DENND2C: variants seen among roughly 807,000 people sequenced by gnomAD.
DENND2C encodes DENN domain-containing protein 2C.
Under a neutral mutation model 112.4 loss-of-function variants are expected in DENND2C, and 72 were observed. That is an observed-to-expected ratio of 0.64 (90% confidence interval 0.53 to 0.78). DENND2C has a LOEUF of 0.78. Ranked by LOEUF, DENND2C falls within the 30% of genes least tolerant of loss-of-function variation. The pLI is 0.00. For missense variants in DENND2C, 992 were observed against 1,113.8 expected, an observed-to-expected ratio of 0.89 and a Z score of 1.56; for synonymous variants, 329 against 381.6, an observed-to-expected ratio of 0.86 and a Z score of 1.61.
intron 3 of DENND2C, among the ~76,000 whole-genome samples, chr1:114,626,779 T>C (rs1389736100): frequency 2.0e-5 from 3 of 152,080 alleles, no homozygotes; most frequent in Non-Finnish European, 4.4e-5. Context: ...CCAAAAGTGC[T>C]GGGATTACAG....
chr1:114,659,097 G>T (rs1330202022), intron 1 of DENND2C, among the ~76,000 whole-genome samples: 1 of 152,074 alleles, frequency 6.6e-6, no homozygotes, highest in Non-Finnish European at 1.5e-5. Flanking sequence ...AATGTTTCAG[G>T]TTTCTCTTCA....
chr1:114,637,284 G>A (rs377593817), intron 3 of DENND2C, among the ~76,000 whole-genome samples: 2 of 150,112 alleles, frequency 1.3e-5, no homozygotes, highest in Non-Finnish European at 1.5e-5. Flanking sequence ...CACAGGAATC[G>A]CTTGAACCCA....
Position 114,625,725 on chromosome 1 carries a change from G to T in DENND2C, c.260C>A (p.Thr87Asn). 1 of 1,613,902 alleles carries T rather than the reference G, an allele frequency of 6.2e-7. No individual in the cohort carries two copies. Among genetic ancestry groups the T allele is most frequent in the Non-Finnish European group, 8.5e-7 (1 of 1,179,982 alleles). The change falls in exon 4 of 21, where the codon ACC (threonine) becomes AAC (asparagine). Residue 87 changes from threonine (T) to asparagine (N), a missense_variant. Thr to Asn is a moderately conservative substitution (Grantham distance 65). This residue lies in a region of DENND2C where 470 missense variants were observed against 472.7 expected (regional missense o/e 0.99). Transcript: ENST00000393274. ...ENVGLDINEN[T>N]KSHDQSENEN... ...ATTCTCACTTTGATCATGGCTTTTGGTATTTTCATTTATATCTAGACCCAC... is the reference window on the plus strand; with the variant it reads ...ATTCTCACTTTGATCATGGCTTTTGTTATTTTCATTTATATCTAGACCCAC...
intron 20 of DENND2C, 85 bp from the exon 21 acceptor site, chr1:114,585,716 C>T: frequency 1.5e-6 from 2 of 1,360,084 alleles, no homozygotes; most frequent in South Asian, 2.4e-5. Context: ...ACAGGTCAGT[C>T]ATTCAGAACA....
intron 3 of DENND2C, among the ~76,000 whole-genome samples, chr1:114,626,838 T>C (rs905262273): frequency 4.6e-5 from 7 of 152,036 alleles, no homozygotes. Flanking sequence ...TGAAACCTTC[T>C]CTTAATGAAA....
At chr1:114,602,240 A>ATTTTT (rs747056934) in intron 11 of DENND2C, 46 bp from the exon 12 acceptor site, 3 of 1,589,504 alleles carry the variant, frequency 1.9e-6, no homozygotes, top group Non-Finnish European at 2.6e-6. Context: ...ACAATTACTT[A>ATTTTT]TGGCATTCTC....
intron 17 of DENND2C, 113 bp downstream of exon 17, chr1:114,595,719 C>T (rs1655324724): frequency 8.2e-6 from 8 of 972,288 alleles, no homozygotes; most frequent in Non-Finnish European, 4.8e-6. Flanking sequence ...TGTGTAGGAA[C>T]TAAAAGTTTT....
intron 7 of DENND2C, among the ~76,000 whole-genome samples, chr1:114,621,665 T>G (rs962365652): frequency 4.6e-5 from 7 of 152,194 alleles, no homozygotes; most frequent in Non-Finnish European, 7.3e-5. Context: ...GTAACTGAAG[T>G]GAAGTCCCCA....
intron 11 of DENND2C, among the ~76,000 whole-genome samples, chr1:114,604,575 T>C (rs745649072): frequency 3.3e-5 from 5 of 152,318 alleles, no homozygotes; most frequent in African/African-American, 4.8e-5. Flanking sequence ...GTTTTATCTC[T>C]GTTTCTAGGT....
chr1:114,627,080 C>T (rs889118430), intron 3 of DENND2C, among the ~76,000 whole-genome samples: 1 of 152,098 alleles, frequency 6.6e-6, no homozygotes, highest in East Asian at 1.9e-4. Context: ...CTATCAGTTG[C>T]CTTAAAATGT....
At chr1:114,603,929 T>C (rs546167635) in intron 11 of DENND2C, among the ~76,000 whole-genome samples, 15 of 152,348 alleles carry the variant, frequency 9.8e-5, no homozygotes, top group African/African-American at 1.7e-4. Flanking sequence ...GTGATTACTT[T>C]TGAGTAACCA....
rs758139866 is a variant in DENND2C, at chr1:114,611,145, G to A, written c.1325-28C>T. On this transcript the variant is annotated intron_variant, in intron 8 of 20. Transcript: ENST00000393274. ...GAAAAGAGAGAAGGAGTTTCCATTT[G>A]TATTGTCCAACAGTAGGAAGTACAT... The A allele has an allele frequency of 5.0e-6, 8 of 1,613,738 alleles. No individual in the cohort carries two copies. The East Asian group carries it at 6.7e-5, about 13-fold the overall frequency.
chr1:114,619,894 C>G (rs183325290), intron 7 of DENND2C, among the ~76,000 whole-genome samples: 2 of 152,280 alleles, frequency 1.3e-5, no homozygotes, highest in East Asian at 3.9e-4. Context: ...GGAAGAAGAG[C>G]CTTCTAGTTA....
intron 2 of DENND2C, among the ~76,000 whole-genome samples, chr1:114,646,926 G>A (rs1557957529): frequency 6.6e-6 from 1 of 152,120 alleles, no homozygotes; most frequent in Non-Finnish European, 1.5e-5. Context: ...TTGGGAGGCT[G>A]AGGTGGGAGG....
intron 8 of DENND2C, among the ~76,000 whole-genome samples, chr1:114,612,716 C>T (rs1655856497): frequency 6.6e-6 from 1 of 152,144 alleles, no homozygotes; most frequent in Non-Finnish European, 1.5e-5. Context: ...GACAGGGTTT[C>T]ACCGTGTTGG....
intron 3 of DENND2C, among the ~76,000 whole-genome samples, chr1:114,640,313 G>C (rs1166935579): frequency 1.7e-4 from 26 of 152,176 alleles, no homozygotes; most frequent in Admixed American, 1.7e-3. Context: ...ATCAGTTCAT[G>C]AAAGTTTATT....
intron 1 of DENND2C, among the ~76,000 whole-genome samples, chr1:114,658,330 G>A (rs1288193367): frequency 6.6e-6 from 1 of 152,100 alleles, no homozygotes; most frequent in Non-Finnish European, 1.5e-5. Flanking sequence ...AAAGACTGGT[G>A]AGAGGTAACA....
chr1:114,608,933 C>T (rs1655735700), intron 9 of DENND2C, 60 bp from the exon 10 acceptor site: 8 of 1,581,160 alleles, frequency 5.1e-6, no homozygotes, highest in Non-Finnish European at 6.9e-6. Flanking sequence ...CTTTCAGCAT[C>T]CAGAGGTCAT....
chr1:114,665,367 G>A (rs1383277665), intron 1 of DENND2C, among the ~76,000 whole-genome samples: 3 of 151,964 alleles, frequency 2.0e-5, no homozygotes, highest in African/African-American at 7.2e-5. Flanking sequence ...CTACGTTCTT[G>A]TGTAGCTGTG....
Sources: gnomAD v4.1 joint callset for allele counts (sites outside exome capture counted in the v4.1 genomes callset) on GRCh38, gnomAD v4.1.1 for gene constraint, gnomAD v4.1.1 regional missense constraint, MANE v1.5 for transcripts, NCBI Gene and HGNC (gene_info 2026-07-23, HGNC 2026-07-21) for gene names.